KSR1: variants seen among roughly 807,000 people sequenced by gnomAD.
KSR1 encodes kinase suppressor of ras 1.
In KSR1, 35 loss-of-function variants were observed where a neutral mutation model predicts 92.9. The observed-to-expected ratio is 0.38, with a 90% CI of 0.29 to 0.50. The LOEUF is 0.50. KSR1 is among the 20% of genes least tolerant of loss of function. The probability of loss-of-function intolerance (pLI) is 0.94; values close to 1 mark genes in which losing one functional copy is unlikely to be tolerated. For missense variants in KSR1, 972 were observed against 1,158.5 expected (o/e 0.84, Z 2.34); for synonymous variants, 467 against 472.6 (o/e 0.99, Z 0.15).
At chr17:27,571,073 T>C (rs922585136) in intron 2 of KSR1, among the ~76,000 whole-genome samples, 20 of 152,208 alleles carry the variant, frequency 1.3e-4, no homozygotes, top group African/African-American at 4.8e-4. Context: ...TTTGCTTCAC[T>C]GTGTTGGCCT....
intron 2 of KSR1, among the ~76,000 whole-genome samples, chr17:27,562,221 C>A (rs1030520632): frequency 6.6e-6 from 1 of 152,186 alleles, no homozygotes; most frequent in Non-Finnish European, 1.5e-5. Flanking sequence ...ACTAGAAGCA[C>A]CATGTTGGCA....
intron 7 of KSR1, among the ~76,000 whole-genome samples, chr17:27,591,432 C>T (rs1456954862): frequency 6.6e-6 from 1 of 152,180 alleles, no homozygotes; most frequent in East Asian, 1.9e-4. Flanking sequence ...AGGGAGGCCT[C>T]GGAGGCTCGG....
intron 1 of KSR1, among the ~76,000 whole-genome samples, chr17:27,460,488 C>G (rs1429408514): frequency 2.0e-5 from 3 of 152,176 alleles, no homozygotes; most frequent in African/African-American, 4.8e-5. Flanking sequence ...GACCATCAGG[C>G]TTTGCTGGGG....
At chr17:27,564,746 C>G (rs1488523315) in intron 2 of KSR1, among the ~76,000 whole-genome samples, 20 of 142,008 alleles carry the variant, frequency 1.4e-4, no homozygotes, top group African/African-American at 4.7e-4. Flanking sequence ...ACCCCCCCCC[C>G]CCACCTCCCC....
intron 7 of KSR1, 127 bp downstream of exon 7, chr17:27,591,021 G>A: frequency 1.3e-6 from 1 of 768,100 alleles, no homozygotes; most frequent in East Asian, 2.7e-5. Flanking sequence ...TCTCTTCAGG[G>A]AGACTAAGCA....
At chr17:27,536,266 C>A (rs1283527051) in intron 1 of KSR1, among the ~76,000 whole-genome samples, 1 of 152,146 alleles carries the variant, frequency 6.6e-6, no homozygotes, top group African/African-American at 2.4e-5. Flanking sequence ...GCTTGGGTGG[C>A]TCATTTGCTG....
intron 1 of KSR1, among the ~76,000 whole-genome samples, chr17:27,482,357 T>C (rs969420031): frequency 6.6e-6 from 1 of 152,126 alleles, no homozygotes; most frequent in African/African-American, 2.4e-5. Context: ...TCTTTTGGAG[T>C]TGCTGAGGCA....
At chr17:27,517,192 G>A (rs769671174) in intron 1 of KSR1, among the ~76,000 whole-genome samples, 1 of 152,140 alleles carries the variant, frequency 6.6e-6, no homozygotes, top group African/African-American at 2.4e-5. Context: ...AACATTTGTC[G>A]TCTATTGCCT....
rs1403466761 is a variant in KSR1 at position 27,464,032 on chromosome 17, A to C, written c.231+7158A>C. On this transcript the variant is annotated intron_variant, in intron 1 of 20. Transcript: ENST00000644974. The stretch of plus-strand genomic sequence containing the variant: ...AACAAAGGGTGGTTATTAAAGGAGC[A>C]CTGAGTTGGGAGTCAGACCTGGAGG... Among the ~76,000 whole-genome samples the C allele has an allele frequency of 2.6e-5, 4 of 152,314 alleles. No homozygotes were observed. In the East Asian group the frequency reaches 7.7e-4, roughly 29 times the overall value.
intron 7 of KSR1, 29 bp downstream of exon 7, chr17:27,590,923 G>T (rs753098719): frequency 6.4e-7 from 1 of 1,566,560 alleles, no homozygotes; most frequent in Non-Finnish European, 8.7e-7. Context: ...GGGGTGGGGG[G>T]AGCAGACACT....
At position 27,623,820 on chromosome 17, in the gene KSR1, G is replaced by C; in HGVS notation, c.*428G>C. On this transcript the variant is annotated 3_prime_UTR_variant, in exon 21 of 21. Transcript: ENST00000644974. ...GGTAATTGCAGCTGTTCTTGGGGTA[G>C]GGCGGGGAGCCCAGAAGGTCTGATC... 1 of 530,922 alleles carries C rather than the reference G, an allele frequency of 1.9e-6. No homozygotes were observed. Among genetic ancestry groups the C allele is most frequent in the East Asian group, 3.3e-5 (1 of 30,096 alleles). 32.9% of individuals were successfully genotyped at this position (530,922 alleles called of 1,614,324 possible).
chr17:27,587,490 C>G (rs2073011821), intron 5 of KSR1: 1 of 152,222 alleles, frequency 6.6e-6, no homozygotes, highest in African/African-American at 2.4e-5. Flanking sequence ...GAGATGGCCA[C>G]ACTCGAGCAC....
chr17:27,470,661 C>T (rs1025904541), intron 1 of KSR1, among the ~76,000 whole-genome samples: 2 of 152,166 alleles, frequency 1.3e-5, no homozygotes, highest in Non-Finnish European at 2.9e-5. Flanking sequence ...CAGGCGTGAG[C>T]CACCACACCT....
chr17:27,519,552 G>A (rs1167832593), intron 1 of KSR1, among the ~76,000 whole-genome samples: 8 of 152,204 alleles, frequency 5.3e-5, no homozygotes, highest in East Asian at 1.9e-4. Context: ...CAGCCTGAGT[G>A]GTGATGGTCA....
Position 27,557,829 on chromosome 17 carries a change from C to G in KSR1, c.372+7121C>G, listed in dbSNP as rs571077490. ...CTTGCCTCTCAGATGTGTCTGCCCT[C>G]CTGTAAGTTGTATACCATGCTCTCT... On this transcript the variant is annotated intron_variant, in intron 2 of 20. Coordinates refer to ENST00000644974, the MANE Select transcript of KSR1 (RefSeq NM_001394583.1). Among the ~76,000 whole-genome samples the G allele has an allele frequency of 3.3e-4, 50 of 152,260 alleles. 1 individual carries two copies. Among genetic ancestry groups the G allele is most frequent in the African/African-American group, 1.2e-3 (48 of 41,546 alleles).
In KSR1 at chr17:27,623,602, C is replaced by T; in HGVS notation, c.*210C>T. Reference sequence around the variant, plus strand: ...AAAATGACACCACCAACAACCAAACCTGTCATGACAGACAGCAAATGTTTA... The same window carrying T: ...AAAATGACACCACCAACAACCAAACTTGTCATGACAGACAGCAAATGTTTA... On this transcript the variant is annotated 3_prime_UTR_variant, in exon 21 of 21. Coordinates refer to ENST00000644974, the MANE Select transcript of KSR1 (RefSeq NM_001394583.1). The T allele has an allele frequency of 1.6e-6, 1 of 627,654 alleles. No homozygotes were observed. Among genetic ancestry groups the T allele is most frequent in the South Asian group, 1.8e-5 (1 of 54,322 alleles). The allele number at this position is 627,654 out of a possible 1,614,324, so 38.9% of individuals were successfully genotyped here.
chr17:27,557,343 G>A (rs1044655072), intron 2 of KSR1, among the ~76,000 whole-genome samples: 3 of 152,210 alleles, frequency 2.0e-5, no homozygotes, highest in Admixed American at 2.0e-4. Context: ...GAGGAGTCCT[G>A]GGGGGATAGC....
At chr17:27,496,177 T>C (rs1433758563) in intron 1 of KSR1, among the ~76,000 whole-genome samples, 2 of 152,124 alleles carry the variant, frequency 1.3e-5, no homozygotes, top group African/African-American at 4.8e-5. Flanking sequence ...CAAGTCTTAT[T>C]TTGAGTAAGA....
At chr17:27,491,333 GT>G in intron 1 of KSR1, among the ~76,000 whole-genome samples, 1 of 144,260 alleles carries the variant, frequency 6.9e-6, no homozygotes, top group Non-Finnish European at 1.5e-5. Context: ...GTGTGTGTGT[GT>G]GTGTGTGTGT....
Sources: gnomAD v4.1 joint callset for allele counts (sites outside exome capture counted in the v4.1 genomes callset) on GRCh38, gnomAD v4.1.1 for gene constraint, MANE v1.5 for transcripts, NCBI Gene and HGNC (gene_info 2026-07-23, HGNC 2026-07-21) for gene names.